The following ROBO2 variants were observed in gnomAD, a reference collection of about 807,000 sequenced individuals.
ROBO2 encodes roundabout homolog 2.
In ROBO2, 53 loss-of-function variants were observed where a neutral mutation model predicts 160.8. The observed-to-expected ratio is 0.33, with a 90% CI of 0.26 to 0.41. The LOEUF (loss-of-function observed/expected upper bound fraction) is 0.41, where lower values mean the gene tolerates loss of function less well. ROBO2 is among the 10% of genes least tolerant of loss of function. The probability of loss-of-function intolerance (pLI) is 1.00; values close to 1 mark genes in which losing one functional copy is unlikely to be tolerated. For synonymous variants in ROBO2, 664 were observed against 611.7 expected (o/e 1.09, Z -1.26); for missense variants, 1,577 against 1,722.4 (o/e 0.92, Z 1.49).
chr3:76,962,073 A>G (rs2079703713), intron 2 of ROBO2, among the ~76,000 whole-genome samples: 1 of 152,194 alleles, frequency 6.6e-6, no homozygotes, highest in African/African-American at 2.4e-5. Context: ...GGTGGCTCAC[A>G]CCTGTAATCT....
At chr3:76,509,583 G>A (rs1560066488) in intron 2 of ROBO2, among the ~76,000 whole-genome samples, 1 of 152,160 alleles carries the variant, frequency 6.6e-6, no homozygotes, top group Non-Finnish European at 1.5e-5. Context: ...CAAGAGCCGT[G>A]AGTGGAAAGT....
intron 2 of ROBO2, among the ~76,000 whole-genome samples, chr3:76,040,629 G>A (rs2067247135): frequency 6.6e-6 from 1 of 151,956 alleles, no homozygotes; most frequent in Non-Finnish European, 1.5e-5. Context: ...GTTTATATTA[G>A]TAAGAAATTT....
At chr3:77,579,146 TG>T (rs2093846570) in intron 15 of ROBO2, among the ~76,000 whole-genome samples, 2 of 152,164 alleles carry the variant, frequency 1.3e-5, no homozygotes, top group Non-Finnish European at 2.9e-5. Context: ...TTGTATAATA[TG>T]AATACAAATG....
At chr3:77,202,870 AGGCC>A (rs1404511792) in intron 2 of ROBO2, among the ~76,000 whole-genome samples, 55 of 152,310 alleles carry the variant, frequency 3.6e-4, no homozygotes, top group African/African-American at 1.3e-3. Context: ...TTTAAGGCAA[AGGCC>A]TTAGGACAGA....
At chr3:76,958,700 G>A (rs1391152816) in intron 2 of ROBO2, among the ~76,000 whole-genome samples, 1 of 152,172 alleles carries the variant, frequency 6.6e-6, no homozygotes, top group Non-Finnish European at 1.5e-5. Context: ...TTTCTATCCA[G>A]TTAGCGTCAT....
intron 2 of ROBO2, among the ~76,000 whole-genome samples, chr3:77,372,446 G>A (rs1176357996): frequency 6.6e-6 from 1 of 152,030 alleles, no homozygotes; most frequent in African/African-American, 2.4e-5. Context: ...TTGTAGGAGA[G>A]AAGGAAATAA....
In ROBO2 at chr3:76,265,138, G is replaced by A. The variant is rs564221586; in HGVS notation, c.109+327536G>A. Among the ~76,000 whole-genome samples, 34 of 152,238 alleles carry A rather than the reference G, an allele frequency of 2.2e-4. 1 individual carries two copies. In the South Asian group the frequency reaches 6.8e-3, roughly 31 times the overall value. On this transcript the variant is annotated intron_variant, in intron 2 of 26. Coordinates refer to the ROBO2 transcript ENST00000487694. ...CATCTCCCACGCAGGCTGAAGCCTG[G>A]AGGCACGTGAGTCCCTGGGTCCTTT...
intron 2 of ROBO2, among the ~76,000 whole-genome samples, chr3:77,449,260 A>AT (rs2080883529): frequency 6.6e-6 from 1 of 152,130 alleles, no homozygotes; most frequent in Non-Finnish European, 1.5e-5. Context: ...TGACTAAAGC[A>AT]AATGGTCATT....
At chr3:76,642,603 C>T (rs1286030688) in intron 2 of ROBO2, among the ~76,000 whole-genome samples, 1 of 151,876 alleles carries the variant, frequency 6.6e-6, no homozygotes, top group Non-Finnish European at 1.5e-5. Flanking sequence ...CTGCCCGCCT[C>T]GGCCTCCCAA....
At chr3:76,772,798 A>C (rs1342270254) in intron 2 of ROBO2, among the ~76,000 whole-genome samples, 1 of 151,036 alleles carries the variant, frequency 6.6e-6, no homozygotes, top group Non-Finnish European at 1.5e-5. Context: ...TTCCATTTTC[A>C]TTAGTGGGAA....
At chr3:76,446,957 A>G (rs934677985) in intron 2 of ROBO2, among the ~76,000 whole-genome samples, 3 of 152,188 alleles carry the variant, frequency 2.0e-5, no homozygotes, top group Admixed American at 6.6e-5. Context: ...AACCTAGGCA[A>G]TACCATTCAG....
chr3:76,982,827 A>G lies in ROBO2; in HGVS notation c.110-115187A>G, dbSNP rs2060165382. ...CAGTGAATGAATGTGTTTTTGTTTC[A>G]TTTCACCATGCTTCGTTAGTAGAAT... is the stretch of plus-strand genomic sequence containing the variant. On this transcript the variant is annotated intron_variant, in intron 2 of 26. Transcript: ENST00000487694. Among the ~76,000 whole-genome samples, 4 of 152,272 alleles carry G rather than the reference A, an allele frequency of 2.6e-5. 1 individual carries two copies. The highest frequency in any genetic ancestry group is 5.9e-5 in the Non-Finnish European group (4 of 68,008).
intron 2 of ROBO2, among the ~76,000 whole-genome samples, chr3:77,108,717 T>A (rs1361983196): frequency 1.3e-5 from 2 of 152,046 alleles, no homozygotes; most frequent in Non-Finnish European, 1.5e-5. Context: ...AAAGATGGAC[T>A]TAGAAAACTG....
intron 2 of ROBO2, among the ~76,000 whole-genome samples, chr3:76,534,440 G>T (rs1425358347): frequency 6.6e-6 from 1 of 152,140 alleles, no homozygotes; most frequent in Non-Finnish European, 1.5e-5. Context: ...ATTCCCTGTT[G>T]TTAAGCCAGT....
intron 4 of ROBO2, among the ~76,000 whole-genome samples, chr3:77,484,991 T>A (rs536479339): frequency 6.6e-6 from 1 of 152,260 alleles, no homozygotes; most frequent in East Asian, 1.9e-4. Flanking sequence ...TATAATCATT[T>A]TTTTAGACTT....
chr3:76,330,064 G>A (rs1035082171), intron 2 of ROBO2, among the ~76,000 whole-genome samples: 2 of 152,130 alleles, frequency 1.3e-5, no homozygotes, highest in African/African-American at 4.8e-5. Context: ...GGTTTTCAAA[G>A]GCCATATTTG....
intron 2 of ROBO2, among the ~76,000 whole-genome samples, chr3:77,367,381 A>T (rs1282228898): frequency 1.3e-5 from 2 of 150,640 alleles, no homozygotes; most frequent in Non-Finnish European, 3.0e-5. Context: ...CATTCCTTCC[A>T]CTCTCCCCTT....
intron 2 of ROBO2, among the ~76,000 whole-genome samples, chr3:77,292,269 C>T (rs898328946): frequency 2.6e-5 from 4 of 151,068 alleles, no homozygotes; most frequent in Non-Finnish European, 5.9e-5. Context: ...AACGGGTAAG[C>T]TGAGGCTAGA....
intron 2 of ROBO2, among the ~76,000 whole-genome samples, chr3:77,213,326 A>C (rs987660867): frequency 2.6e-5 from 4 of 152,120 alleles, no homozygotes; most frequent in African/African-American, 9.7e-5. Context: ...TGTGTCCAGG[A>C]ATTTATACAT....
Sources: allele counts gnomAD v4.1 joint callset (sites outside exome capture counted in the v4.1 genomes callset), GRCh38; gene constraint gnomAD v4.1.1; transcripts MANE v1.5; gene names NCBI Gene and HGNC (gene_info 2026-07-23, HGNC 2026-07-21).